The following TGFBR3 variants were observed in gnomAD, a reference collection of about 807,000 sequenced individuals.
The protein encoded by TGFBR3 is transforming growth factor beta receptor 3.
Under a neutral mutation model 87.9 loss-of-function variants are expected in TGFBR3, and 46 were observed. The ratio of observed to expected loss-of-function variants is 0.52; its 90% CI spans 0.41 to 0.67. The LOEUF is 0.67. Ranked by LOEUF, TGFBR3 falls within the 30% of genes least tolerant of loss-of-function variation. The pLI, the probability that TGFBR3 is intolerant of heterozygous loss-of-function variation, is 0.00. For synonymous variants in TGFBR3, 381 were observed against 391.6 expected (o/e 0.97, Z 0.32); for missense variants, 866 against 1,041.9 (o/e 0.83, Z 2.32).
At chr1:91,800,501 C>A (rs550475593) in intron 2 of TGFBR3, among the ~76,000 whole-genome samples, 2 of 150,170 alleles carry the variant, frequency 1.3e-5, no homozygotes, top group South Asian at 4.2e-4. Context: ...CAGAGTGAGA[C>A]CCTATCTCAG....
At chr1:91,746,222 A>T (rs1473511159) in intron 4 of TGFBR3, among the ~76,000 whole-genome samples, 1 of 152,242 alleles carries the variant, frequency 6.6e-6, no homozygotes, top group African/African-American at 2.4e-5. Context: ...TGGAAACGTT[A>T]TCAGAACAAC....
intron 6 of TGFBR3, among the ~76,000 whole-genome samples, chr1:91,728,266 T>C (rs1571448289): frequency 6.8e-6 from 1 of 147,168 alleles, no homozygotes; most frequent in African/African-American, 2.5e-5. Flanking sequence ...AGCATGGTGG[T>C]AAAAAAAAAA....
At chr1:91,848,140 T>C (rs898358629) in intron 2 of TGFBR3, among the ~76,000 whole-genome samples, 1 of 152,166 alleles carries the variant, frequency 6.6e-6, no homozygotes, top group Admixed American at 6.5e-5. Context: ...GTGTTCAAGG[T>C]AGCTGTTGTA....
At chr1:91,756,938 T>C (rs953450042) in intron 4 of TGFBR3, among the ~76,000 whole-genome samples, 2 of 152,200 alleles carry the variant, frequency 1.3e-5, no homozygotes, top group African/African-American at 2.4e-5. Context: ...CCTAAGGATA[T>C]TCTCTTACAT....
intron 3 of TGFBR3, among the ~76,000 whole-genome samples, chr1:91,792,605 G>T (rs1675235720): frequency 6.6e-6 from 1 of 152,132 alleles, no homozygotes; most frequent in Non-Finnish European, 1.5e-5. Context: ...TAGATGATAG[G>T]AAACAAAATT....
At chr1:91,901,399 C>T (rs1679716400) in intron 1 of TGFBR3, among the ~76,000 whole-genome samples, 2 of 152,076 alleles carry the variant, frequency 1.3e-5, no homozygotes, top group Admixed American at 6.6e-5. Context: ...GAAACTACAT[C>T]CAAAGATTAT....
intron 1 of TGFBR3, among the ~76,000 whole-genome samples, chr1:91,881,674 AT>A (rs1383251422): frequency 3.3e-5 from 5 of 152,344 alleles, no homozygotes; most frequent in Admixed American, 2.6e-4. Flanking sequence ...GACTCAACTA[AT>A]TTTGAAAGTT....
At chr1:91,691,915 A>G (rs1671277648) in intron 16 of TGFBR3, among the ~76,000 whole-genome samples, 1 of 152,280 alleles carries the variant, frequency 6.6e-6, no homozygotes, top group African/African-American at 2.4e-5. Flanking sequence ...GGAGAATGGC[A>G]GGAACCTGAG....
intron 2 of TGFBR3, among the ~76,000 whole-genome samples, chr1:91,801,855 A>G (rs896410348): frequency 4.6e-5 from 7 of 152,314 alleles, no homozygotes; most frequent in Non-Finnish European, 7.4e-5. Flanking sequence ...GGCCCCACAA[A>G]AGGTACACAT....
chr1:91,730,026 ATT>A, intron 5 of TGFBR3, 53 bp from the exon 6 acceptor site: 2 of 1,603,634 alleles, frequency 1.2e-6, no homozygotes, highest in Non-Finnish European at 8.5e-7. Context: ...CGGTAACCAG[ATT>A]CAAAGGAAGG....
At position 91,729,273 on chromosome 1, in the gene TGFBR3, C is replaced by G. The variant is rs552438312; in HGVS notation, c.737+532G>C. Among the ~76,000 whole-genome samples, 5 of 106,836 alleles carry G rather than the reference C, an allele frequency of 4.7e-5. 1 individual carries two copies. Among genetic ancestry groups the G allele is most frequent in the African/African-American group, 1.0e-4 (3 of 30,012 alleles). The allele number at this position is 106,836 out of a possible 152,430, so 70.1% of individuals were successfully genotyped here. On this transcript the variant is annotated intron_variant, in intron 6 of 16. Coordinates refer to ENST00000212355, the MANE Select transcript of TGFBR3 (RefSeq NM_003243.5). The stretch of plus-strand genomic sequence containing the variant: ...CCATGAAGAGCCACTCCACCACACA[C>G]GTGCATGCGCATACACACACACACA...
intron 4 of TGFBR3, among the ~76,000 whole-genome samples, chr1:91,756,948 TA>T (rs1356568650): frequency 6.6e-6 from 1 of 152,204 alleles, no homozygotes; most frequent in Non-Finnish European, 1.5e-5. Context: ...TTCTCTTACA[TA>T]AAAACAACAT....
chr1:91,893,958 G>A (rs1404846498), intron 2 of TGFBR3, among the ~76,000 whole-genome samples: 1 of 149,890 alleles, frequency 6.7e-6, no homozygotes, highest in African/African-American at 2.5e-5. Flanking sequence ...GGCCAGGCGC[G>A]GTGGCTCACA....
At chr1:91,735,155 C>G (rs1435843751) in intron 4 of TGFBR3, among the ~76,000 whole-genome samples, 196 bp from the exon 5 acceptor site, 1 of 152,182 alleles carries the variant, frequency 6.6e-6, no homozygotes, top group Non-Finnish European at 1.5e-5. Flanking sequence ...GCAAAACTAC[C>G]AATGCAGGAT....
chr1:91,850,008 G>A (rs906031984), intron 2 of TGFBR3, among the ~76,000 whole-genome samples: 2 of 147,636 alleles, frequency 1.4e-5, no homozygotes, highest in Admixed American at 1.4e-4. Flanking sequence ...ATGAACCTGG[G>A]AGGCAGAGCT....
chr1:91,840,897 A>C (rs531414539), intron 2 of TGFBR3, among the ~76,000 whole-genome samples: 99 of 151,564 alleles, frequency 6.5e-4, no homozygotes, highest in Non-Finnish European at 1.2e-3. Context: ...TGCAACCTCC[A>C]CCTCCAGGGT....
At chr1:91,758,012 C>T (rs374807098) in intron 4 of TGFBR3, among the ~76,000 whole-genome samples, 3 of 152,188 alleles carry the variant, frequency 2.0e-5, no homozygotes, top group African/African-American at 4.8e-5. Flanking sequence ...AACAACCCAT[C>T]GATTTCTCCA....
At chr1:91,848,124 C>T (rs939200475) in intron 2 of TGFBR3, among the ~76,000 whole-genome samples, 2 of 152,134 alleles carry the variant, frequency 1.3e-5, no homozygotes, top group Admixed American at 6.6e-5. Flanking sequence ...AACAAGTTTA[C>T]CAAAGGTGTT....
chr1:91,882,285 C>T (rs1213716400), intron 1 of TGFBR3, among the ~76,000 whole-genome samples: 1 of 151,456 alleles, frequency 6.6e-6, no homozygotes, highest in East Asian at 2.1e-4. Context: ...TACAGGTGTG[C>T]ACCACCACGC....
Sources: allele counts gnomAD v4.1 joint callset (sites outside exome capture counted in the v4.1 genomes callset), GRCh38; gene constraint gnomAD v4.1.1; transcripts MANE v1.5; gene names NCBI Gene and HGNC (gene_info 2026-07-23, HGNC 2026-07-21).